ZC3H7B: variants seen among roughly 807,000 people sequenced by gnomAD.
ZC3H7B encodes the protein zinc finger CCCH domain-containing protein 7B.
A neutral mutation model predicts 116.0 loss-of-function variants in ZC3H7B; 35 were observed. That is an observed-to-expected ratio of 0.30 (90% CI 0.23 to 0.40). ZC3H7B has a LOEUF of 0.40. Among genes scored for constraint, ZC3H7B ranks in the 10% least tolerant of loss-of-function variants. The pLI is 1.00. For missense variants in ZC3H7B, 1,011 were observed against 1,321.5 expected (o/e 0.77, Z 3.64); for synonymous variants, 502 against 545.6 (o/e 0.92, Z 1.11).
rs1208709181 is a variant in ZC3H7B at position 41,341,058 on chromosome 22, C to G, written c.1139-30C>G. ...GCCCCTCACGCCTCAGAGCCAGAGC[C>G]ACTGACCCCTGTGTCTTCTCCCTGC... On this transcript the variant is annotated intron_variant, in intron 10 of 22. Transcript: ENST00000352645. 6 of 1,608,042 alleles carry G rather than the reference C, an allele frequency of 3.7e-6. No individual in the cohort carries two copies. In the South Asian group the frequency reaches 6.6e-5, roughly 18 times the overall value.
chr22:41,325,374 A>G (rs1241821518), intron 2 of ZC3H7B, among the ~76,000 whole-genome samples, 190 bp from the exon 3 acceptor site: 1 of 152,114 alleles, frequency 6.6e-6, no homozygotes, highest in African/African-American at 2.4e-5. Flanking sequence ...TCTGGCCCCA[A>G]GGAACATGCA....
In ZC3H7B at chr22:41,357,365, G is replaced by A. The variant is rs147270928; in HGVS notation, c.2870G>A (p.Gly957Glu). The A allele has an allele frequency of 2.4e-5, 38 of 1,613,302 alleles. No homozygotes were observed. In the African/African-American group the frequency reaches 4.3e-4, roughly 18 times the overall value. The change falls in exon 23 of 23, where the codon GGG (glycine) becomes GAG (glutamate). Residue 957 changes from glycine (G) to glutamate (E), a missense_variant. By Grantham distance (98) the Gly-to-Glu change is moderately conservative (BLOSUM62 -2). Transcript: ENST00000352645. This position sits in a 1 kb window ranked among gnomAD's most constrained non-coding sequence, Gnocchi z 5.4. ...GKYNFLLQED[G>E]DLAGATPEAP... Reference sequence around the variant, plus strand: ...TACAACTTCCTGCTGCAAGAGGACGGGGACCTTGCCGGTGCCACCCCAGAA... The same window carrying A: ...TACAACTTCCTGCTGCAAGAGGACGAGGACCTTGCCGGTGCCACCCCAGAA...
chr22:41,305,342 C>CA (rs576957718), intron 1 of ZC3H7B, among the ~76,000 whole-genome samples: 2,749 of 94,058 alleles, frequency 0.029, 86 homozygotes, highest in African/African-American at 0.085. Context: ...GACTCTGTCT[C>CA]AAAAAAAAAA....
intron 17 of ZC3H7B, 84 bp from the exon 18 acceptor site, chr22:41,355,385 C>G: frequency 6.4e-7 from 1 of 1,556,884 alleles, no homozygotes; most frequent in Middle Eastern, 1.9e-4. Flanking sequence ...CCAAGGCTCT[C>G]CCAGAGGACA....
intron 17 of ZC3H7B, among the ~76,000 whole-genome samples, chr22:41,354,445 C>T (rs1402129408): frequency 6.6e-6 from 1 of 152,216 alleles, no homozygotes; most frequent in Non-Finnish European, 1.5e-5. Flanking sequence ...AGGACAGCTC[C>T]TTCCTGCTCC....
Position 41,355,753 on chromosome 22 carries a change from G to A in ZC3H7B, c.2169-4G>A. On this transcript the variant is annotated splice_polypyrimidine_tract_variant and splice_region_variant and intron_variant, in intron 18 of 22. Coordinates refer to ENST00000352645, the MANE Select transcript of ZC3H7B (RefSeq NM_017590.6). Reference sequence around the variant, plus strand: ...CCTCTCCCCAACCCTGCTCTGTCCTGCAGCTGGACCAAGGAGCGGCGGGTC... The same window carrying A: ...CCTCTCCCCAACCCTGCTCTGTCCTACAGCTGGACCAAGGAGCGGCGGGTC... 2 of 1,613,992 alleles carry A rather than the reference G, an allele frequency of 1.2e-6. No individual in the cohort carries two copies. The highest frequency in any genetic ancestry group is 1.1e-5 in the South Asian group (1 of 91,084).
chr22:41,317,363 C>A (rs910308677), intron 1 of ZC3H7B, among the ~76,000 whole-genome samples: 1 of 152,114 alleles, frequency 6.6e-6, no homozygotes, highest in Non-Finnish European at 1.5e-5. Flanking sequence ...ATTCATCCAA[C>A]AAAATATTGA....
In ZC3H7B at chr22:41,357,019, TC is replaced by T. The variant is rs1423054472; in HGVS notation, c.2682-155del. Among the ~76,000 whole-genome samples the T allele has an allele frequency of 6.6e-6, 1 of 152,050 alleles. No individual in the cohort carries two copies. The highest frequency in any genetic ancestry group is 1.5e-5 in the Non-Finnish European group (1 of 67,990). ...CTTTAATTTGCAGCTGTGGGGCAGA[TC>T]CCAGAGAGGGTCAGGACACCCAGGT... On this transcript the variant is annotated intron_variant, in intron 22 of 22. Transcript: ENST00000352645. This position sits in a 1 kb window ranked among gnomAD's most constrained non-coding sequence, Gnocchi z 5.4.
At chr22:41,353,079 C>CA (rs111438065) in intron 17 of ZC3H7B, among the ~76,000 whole-genome samples, 4,505 of 134,352 alleles carry the variant, frequency 0.034, 205 homozygotes, top group African/African-American at 0.11. Flanking sequence ...GACTCCATCT[C>CA]AAAAAAAAAA....
chr22:41,320,786 A>G, intron 2 of ZC3H7B, 73 bp downstream of exon 2: 2 of 1,591,136 alleles, frequency 1.3e-6, no homozygotes, highest in Non-Finnish European at 1.7e-6. Context: ...ATGCCCTCCC[A>G]GCGCTCCCTT....
In ZC3H7B at chr22:41,339,164, A is replaced by G. The variant is rs372484531; in HGVS notation, c.789A>G (p.Pro263=). 7 of 1,611,800 alleles carry G rather than the reference A, an allele frequency of 4.3e-6. No individual in the cohort carries two copies. Among genetic ancestry groups the G allele is most frequent in the Non-Finnish European group, 5.9e-6 (7 of 1,179,008 alleles). The change falls in exon 9 of 23, where the codon CCA becomes CCG. Residue 263 remains proline, a synonymous_variant. Coordinates refer to ENST00000352645, the MANE Select transcript of ZC3H7B (RefSeq NM_017590.6). ...TCTCAGACGGGGATGTCTTTGGCCC[A>G]GAGCTGGACACCCTCCTGGACTCGC... The part of the protein sequence containing the change: ...DDFSDGDVFG[P]ELDTLLDSLS...
chr22:41,322,913 C>T (rs998799378), intron 2 of ZC3H7B, among the ~76,000 whole-genome samples: 9 of 152,198 alleles, frequency 5.9e-5, no homozygotes, highest in East Asian at 1.9e-4. Flanking sequence ...ATTGCAGGCG[C>T]GTGCTGCTGT....
At chr22:41,324,087 C>T (rs1034604001) in intron 2 of ZC3H7B, among the ~76,000 whole-genome samples, 13 of 151,630 alleles carry the variant, frequency 8.6e-5, no homozygotes, top group African/African-American at 2.4e-4. Context: ...AAAAAGATGT[C>T]TTAGGACCGC....
chr22:41,353,637 T>C (rs899568439), intron 17 of ZC3H7B, among the ~76,000 whole-genome samples: 1 of 152,186 alleles, frequency 6.6e-6, no homozygotes. Context: ...GCTGATTAAC[T>C]TGGGGGAAGG....
chr22:41,316,008 C>T (rs1224425644), intron 1 of ZC3H7B, among the ~76,000 whole-genome samples: 2 of 147,950 alleles, frequency 1.4e-5, no homozygotes, highest in African/African-American at 5.1e-5. Context: ...TTTTTTGAGA[C>T]GGAGTTTCTC....
At chr22:41,342,175 G>C (rs1003713463) in intron 11 of ZC3H7B, among the ~76,000 whole-genome samples, 15 of 152,248 alleles carry the variant, frequency 9.9e-5, no homozygotes, top group African/African-American at 3.6e-4. Context: ...CTGATGACTT[G>C]GGGGATTGGG....
chr22:41,318,828 C>T (rs1199249791), intron 1 of ZC3H7B, among the ~76,000 whole-genome samples: 4 of 152,176 alleles, frequency 2.6e-5, no homozygotes, highest in Non-Finnish European at 4.4e-5. Flanking sequence ...GCTCCATCCT[C>T]ACCAGCCTCC....
At chr22:41,341,052 C>G (rs745643884) in intron 10 of ZC3H7B, 36 bp from the exon 11 acceptor site, 4 of 1,605,990 alleles carry the variant, frequency 2.5e-6, no homozygotes, top group Non-Finnish European at 3.4e-6. Context: ...GCCTCAGAGC[C>G]AGAGCCACTG....
At position 41,349,020 on chromosome 22, in the gene ZC3H7B, G is replaced by T. The variant is rs1224091621; in HGVS notation, c.1767-100G>T. The T allele has an allele frequency of 6.2e-6, 8 of 1,295,932 alleles. No homozygotes were observed. The highest frequency in any genetic ancestry group is 8.5e-6 in the Non-Finnish European group (8 of 936,732). 80.3% of individuals were successfully genotyped at this position (1,295,932 alleles called of 1,614,324 possible). On this transcript the variant is annotated intron_variant, in intron 15 of 22. Coordinates refer to ENST00000352645, the MANE Select transcript of ZC3H7B (RefSeq NM_017590.6). This position sits in a 1 kb window ranked among gnomAD's most constrained non-coding sequence, Gnocchi z 4.9. ...GGATTTGGTACATAGATCAGGGGGT[G>T]CCCAGGGAGAGCCTGGCACTGGGAA...
Sources: allele counts gnomAD v4.1 joint callset (sites outside exome capture counted in the v4.1 genomes callset), GRCh38; gene constraint gnomAD v4.1.1; non-coding constraint Gnocchi (gnomAD v3.1); transcripts MANE v1.5; gene names NCBI Gene and HGNC (gene_info 2026-07-23, HGNC 2026-07-21).